Variants in LRMDA observed in about 807,000 individuals in gnomAD.
LRMDA encodes the protein leucine rich melanocyte differentiation associated.
Under a neutral mutation model 29.8 loss-of-function variants are expected in LRMDA, and 18 were observed. That is an observed-to-expected ratio of 0.60 (90% CI 0.42 to 0.90). LRMDA has a LOEUF of 0.90. Ranked by LOEUF, LRMDA falls within the 40% of genes least tolerant of loss-of-function variation. LRMDA has a pLI of 0.00. For synonymous variants in LRMDA, 125 were observed against 109.4 expected (o/e 1.14, Z -0.89); for missense variants, 273 against 273.9 (o/e 1.00, Z 0.02).
At chr10:76,247,438 C>T (rs1422577592) in intron 5 of LRMDA, among the ~76,000 whole-genome samples, 1 of 152,120 alleles carries the variant, frequency 6.6e-6, no homozygotes, top group Non-Finnish European at 1.5e-5. Context: ...TTTCAGAGCC[C>T]AGGGCCTCTG....
chr10:76,040,723 A>G (rs1848326393), intron 3 of LRMDA, among the ~76,000 whole-genome samples: 1 of 152,220 alleles, frequency 6.6e-6, no homozygotes, highest in Non-Finnish European at 1.5e-5. Context: ...AAATTCAGGA[A>G]AGTGTAGATA....
intron 5 of LRMDA, among the ~76,000 whole-genome samples, chr10:76,211,413 A>G (rs1312257457): frequency 6.6e-6 from 1 of 151,918 alleles, no homozygotes. Flanking sequence ...TCTTTCTTCC[A>G]CTCTGCCTTA....
intron 2 of LRMDA, among the ~76,000 whole-genome samples, chr10:75,965,029 G>T (rs1266311449): frequency 1.3e-5 from 2 of 152,134 alleles, no homozygotes; most frequent in African/African-American, 2.4e-5. Context: ...GCCTCCCAAA[G>T]TGCTGGGATT....
chr10:76,267,732 A>C (rs1184707650), intron 5 of LRMDA, among the ~76,000 whole-genome samples: 1 of 152,202 alleles, frequency 6.6e-6, no homozygotes, highest in South Asian at 2.1e-4. Context: ...ATAGCTGTCA[A>C]TCTTGTGAGT....
intron 5 of LRMDA, among the ~76,000 whole-genome samples, chr10:76,220,934 G>T (rs1039037868): frequency 1.3e-5 from 2 of 151,858 alleles, no homozygotes; most frequent in African/African-American, 2.4e-5. Context: ...TGATCAAGTG[G>T]GCTTCATCCC....
chr10:76,133,446 T>A (rs1404953226), intron 5 of LRMDA, among the ~76,000 whole-genome samples: 1 of 152,096 alleles, frequency 6.6e-6, no homozygotes, highest in African/African-American at 2.4e-5. Context: ...CAGTCCTGGG[T>A]GGTCTTGTCT....
intron 2 of LRMDA, chr10:75,782,750 C>G (rs921831014): frequency 1.2e-5 from 16 of 1,371,088 alleles, no homozygotes; most frequent in African/African-American, 1.0e-4. Flanking sequence ...AGCAGATGCC[C>G]TTTGCTGACT....
chr10:76,166,083 T>C (rs1456038758), intron 5 of LRMDA, among the ~76,000 whole-genome samples: 1 of 152,180 alleles, frequency 6.6e-6, no homozygotes, highest in Non-Finnish European at 1.5e-5. Context: ...CAGATAACTG[T>C]CAAGGGGAAA....
intron 6 of LRMDA, among the ~76,000 whole-genome samples, chr10:76,389,960 G>C (rs1006152910): frequency 1.3e-5 from 2 of 152,060 alleles, no homozygotes; most frequent in Admixed American, 1.3e-4. Context: ...AAGACCTATA[G>C]ATAAATCTTT....
chr10:75,633,012 G>A (rs540885698), intron 2 of LRMDA, among the ~76,000 whole-genome samples: 198 of 152,090 alleles, frequency 1.3e-3, no homozygotes, highest in Non-Finnish European at 2.4e-3. Flanking sequence ...ATGTGGGGAG[G>A]GCTTGAGCGT....
At chr10:76,009,879 T>C (rs1307548025) in intron 2 of LRMDA, among the ~76,000 whole-genome samples, 1 of 128,684 alleles carries the variant, frequency 7.8e-6, no homozygotes. Flanking sequence ...ATCTTCCCCC[T>C]GTCAGAACTC....
chr10:75,840,041 G>T (rs989876670), intron 2 of LRMDA, among the ~76,000 whole-genome samples: 1 of 152,156 alleles, frequency 6.6e-6, no homozygotes, highest in African/African-American at 2.4e-5. Context: ...GCTACAACTT[G>T]TTTGCTGACA....
intron 2 of LRMDA, among the ~76,000 whole-genome samples, chr10:75,737,247 C>A (rs987425709): frequency 6.6e-6 from 1 of 152,210 alleles, no homozygotes; most frequent in African/African-American, 2.4e-5. Context: ...GCTTTGTCAA[C>A]CCTTTCTAAT....
intron 2 of LRMDA, among the ~76,000 whole-genome samples, chr10:75,808,547 G>A (rs925118085): frequency 2.0e-5 from 3 of 152,066 alleles, no homozygotes; most frequent in Non-Finnish European, 2.9e-5. Flanking sequence ...GTCTCACTCC[G>A]TTGCCAGGCT....
intron 4 of LRMDA, among the ~76,000 whole-genome samples, chr10:76,050,486 A>G (rs1045828597): frequency 1.3e-5 from 2 of 152,230 alleles, no homozygotes; most frequent in Non-Finnish European, 2.9e-5. Context: ...TCTCTTTGCC[A>G]TTCATCATAG....
rs1052907969 is a variant in LRMDA, at chr10:75,947,320, G to A, written c.132-88688G>A. 9.9e-5 allele frequency among the ~76,000 whole-genome samples: 15 copies of A among 152,148 alleles called. 1 individual carries two copies. The highest frequency in any genetic ancestry group is 4.1e-4 in the South Asian group (2 of 4,824). ...GGGGGATGAGTTGGCTCAGGTGACC[G>A]GAACATGGTGCTGATGAGCTGAGAT... On this transcript the variant is annotated intron_variant, in intron 2 of 6. Coordinates refer to ENST00000611255, the MANE Select transcript of LRMDA (RefSeq NM_001305581.2).
intron 5 of LRMDA, among the ~76,000 whole-genome samples, chr10:76,248,666 G>C (rs1346095434): frequency 1.3e-5 from 2 of 152,158 alleles, no homozygotes; most frequent in Non-Finnish European, 2.9e-5. Flanking sequence ...GTTCAGTTTA[G>C]TTTTTGCTTA....
At chr10:75,723,831 C>T (rs1842598793) in intron 2 of LRMDA, among the ~76,000 whole-genome samples, 2 of 152,042 alleles carry the variant, frequency 1.3e-5, no homozygotes, top group African/African-American at 4.8e-5. Context: ...AGACAGGATG[C>T]CTTTGTGAAG....
At chr10:75,957,316 T>C (rs1381600049) in intron 2 of LRMDA, among the ~76,000 whole-genome samples, 1 of 152,254 alleles carries the variant, frequency 6.6e-6, no homozygotes, top group African/African-American at 2.4e-5. Context: ...TGAAGGAATA[T>C]TTCATTAATC....
Sources: allele counts gnomAD v4.1 joint callset (sites outside exome capture counted in the v4.1 genomes callset), GRCh38; gene constraint gnomAD v4.1.1; transcripts MANE v1.5; gene names NCBI Gene and HGNC (gene_info 2026-07-23, HGNC 2026-07-21).